The following CDH13 variants were observed in gnomAD, a reference collection of about 807,000 sequenced individuals.
CDH13 encodes cadherin-13.
Under a neutral mutation model 63.8 loss-of-function variants are expected in CDH13, and 24 were observed. The observed-to-expected ratio is 0.38, with a 90% CI of 0.27 to 0.53. The LOEUF (loss-of-function observed/expected upper bound fraction) is 0.53. CDH13 is among the 20% of genes least tolerant of loss of function. The pLI is 0.85. For missense variants in CDH13, 1,049 were observed against 903.1 expected (o/e 1.16, Z -2.07); for synonymous variants, 503 against 355.3 (o/e 1.42, Z -4.67).
chr16:83,567,724 T>G (rs1904296394), intron 7 of CDH13, among the ~76,000 whole-genome samples: 1 of 152,136 alleles, frequency 6.6e-6, no homozygotes, highest in Non-Finnish European at 1.5e-5. Context: ...GCCTCCTGAA[T>G]AGCTGGCACT....
intron 1 of CDH13, among the ~76,000 whole-genome samples, chr16:82,776,853 G>T (rs1384225668): frequency 1.3e-5 from 2 of 152,198 alleles, no homozygotes; most frequent in Non-Finnish European, 2.9e-5. Context: ...CCAGCATTTT[G>T]CACAGAACCA....
intron 7 of CDH13, among the ~76,000 whole-genome samples, chr16:83,595,879 T>G (rs1907205091): frequency 6.6e-6 from 1 of 152,196 alleles, no homozygotes; most frequent in South Asian, 2.1e-4. Flanking sequence ...CTGGTTTTGG[T>G]ACCTAAAAGG....
chr16:82,827,200 G>C (rs957769504), intron 1 of CDH13, among the ~76,000 whole-genome samples: 3 of 152,180 alleles, frequency 2.0e-5, no homozygotes, highest in Admixed American at 1.3e-4. Flanking sequence ...AATGGATAAA[G>C]TTTAGGTTTG....
chr16:83,261,316 C>A (rs139492206), intron 5 of CDH13, among the ~76,000 whole-genome samples: 113 of 152,220 alleles, frequency 7.4e-4, no homozygotes, highest in African/African-American at 2.6e-3. Context: ...TAACTTCATC[C>A]CCTCGATAAG....
At chr16:83,364,212 T>G (rs1183364107) in intron 6 of CDH13, among the ~76,000 whole-genome samples, 1 of 151,758 alleles carries the variant, frequency 6.6e-6, no homozygotes, top group Non-Finnish European at 1.5e-5. Context: ...AAGATAGACA[T>G]AATAAGTCCA....
intron 2 of CDH13, among the ~76,000 whole-genome samples, chr16:82,971,108 C>T (rs977967697): frequency 6.6e-6 from 1 of 152,202 alleles, no homozygotes; most frequent in Admixed American, 6.5e-5. Flanking sequence ...AGCCAGGCCT[C>T]AACCAAAGAC....
At chr16:82,778,736 T>A (rs897344227) in intron 1 of CDH13, among the ~76,000 whole-genome samples, 2 of 152,162 alleles carry the variant, frequency 1.3e-5, no homozygotes, top group Non-Finnish European at 1.5e-5. Flanking sequence ...GAGCCCTCAT[T>A]ATGAACAACA....
chr16:82,832,078 T>C (rs574597333), intron 1 of CDH13, among the ~76,000 whole-genome samples: 1 of 152,328 alleles, frequency 6.6e-6, no homozygotes, highest in African/African-American at 2.4e-5. Context: ...GTGACCCTTA[T>C]CTTATAATTA....
chr16:83,137,470 C>T (rs879603504), intron 4 of CDH13, among the ~76,000 whole-genome samples: 4 of 152,126 alleles, frequency 2.6e-5, no homozygotes, highest in African/African-American at 7.2e-5. Flanking sequence ...GGCCGGAGGT[C>T]GTGTCTTCGT....
At position 83,671,329 on chromosome 16, in the gene CDH13, A is replaced by G. The variant is rs564124841; in HGVS notation, c.1284+357A>G. The stretch of plus-strand genomic sequence containing the variant: ...AGTGGTGTGATCTCAGCTCACTGCA[A>G]TCTCCGCCTCCTAGGTTCAAGTGAT... On this transcript the variant is annotated intron_variant, in intron 9 of 13. Transcript: ENST00000567109. Among the ~76,000 whole-genome samples, 468 of 152,186 alleles carry G rather than the reference A, an allele frequency of 3.1e-3. 1 individual carries two copies. Among genetic ancestry groups the G allele is most frequent in the Non-Finnish European group, 4.8e-3 (326 of 68,018 alleles).
At chr16:82,704,333 G>C (rs548354937) in intron 1 of CDH13, among the ~76,000 whole-genome samples, 8 of 152,322 alleles carry the variant, frequency 5.3e-5, no homozygotes, top group African/African-American at 1.7e-4. Flanking sequence ...TGTCCACCCG[G>C]ATTGCTCTGG....
At chr16:83,318,944 A>G (rs1043793366) in intron 5 of CDH13, among the ~76,000 whole-genome samples, 13 of 151,906 alleles carry the variant, frequency 8.6e-5, no homozygotes, top group African/African-American at 3.1e-4. Flanking sequence ...TAAAAAACAA[A>G]AAAAGCAAAA....
intron 5 of CDH13, among the ~76,000 whole-genome samples, chr16:83,276,667 G>A (rs1380295587): frequency 1.3e-5 from 2 of 152,006 alleles, no homozygotes; most frequent in Admixed American, 6.6e-5. Flanking sequence ...TCGGGAGATC[G>A]AGACCATCCT....
intron 5 of CDH13, among the ~76,000 whole-genome samples, chr16:83,222,239 T>TTGAA: frequency 6.6e-6 from 1 of 152,364 alleles, no homozygotes; most frequent in South Asian, 2.1e-4. Flanking sequence ...TGAGCCAATT[T>TTGAA]CTTGGTCAAG....
chr16:83,109,254 G>C (rs933201606), intron 3 of CDH13, among the ~76,000 whole-genome samples: 1 of 152,134 alleles, frequency 6.6e-6, no homozygotes, highest in African/African-American at 2.4e-5. Flanking sequence ...AATTTTCCCA[G>C]GTGGAATCTG....
intron 7 of CDH13, among the ~76,000 whole-genome samples, chr16:83,539,069 T>C (rs781440879): frequency 6.6e-6 from 1 of 152,138 alleles, no homozygotes; most frequent in African/African-American, 2.4e-5. Context: ...TTCGAAACTT[T>C]GATTTTAAAG....
At chr16:83,373,839 A>T (rs1398843409) in intron 6 of CDH13, among the ~76,000 whole-genome samples, 8 of 152,156 alleles carry the variant, frequency 5.3e-5, no homozygotes, top group African/African-American at 1.9e-4. Context: ...CTGATCTGGA[A>T]GGCGTGAGTC....
At position 83,587,157 on chromosome 16, in the gene CDH13, C is replaced by G. The variant is rs945758807; in HGVS notation, c.961-15297C>G. 2.4e-4 allele frequency among the ~76,000 whole-genome samples: 36 copies of G among 152,242 alleles called. 1 individual carries two copies. The highest frequency in any genetic ancestry group is 7.0e-4 in the African/African-American group (29 of 41,544). The stretch of plus-strand genomic sequence containing the variant: ...CGGAAAATGCTGATTAAAAGTAACC[C>G]TGCATGGCAAAATTTGATTAGGAGA... On this transcript the variant is annotated intron_variant, in intron 7 of 13. Coordinates refer to ENST00000567109, the MANE Select transcript of CDH13 (RefSeq NM_001257.5).
intron 6 of CDH13, among the ~76,000 whole-genome samples, chr16:83,414,566 T>G (rs1170407637): frequency 4.6e-5 from 7 of 151,952 alleles, no homozygotes; most frequent in Admixed American, 1.3e-4. Context: ...GATTAGTATC[T>G]CTCAAGTTTT....
Sources: gnomAD v4.1 joint callset for allele counts (sites outside exome capture counted in the v4.1 genomes callset) on GRCh38, gnomAD v4.1.1 for gene constraint, MANE v1.5 for transcripts, NCBI Gene and HGNC (gene_info 2026-07-23, HGNC 2026-07-21) for gene names.